Variants in PPP2R1B observed in about 807,000 individuals in gnomAD.
PPP2R1B encodes protein phosphatase 2 scaffold subunit Abeta.
PPP2R1B carries 58 observed loss-of-function variants against 72.7 expected under a neutral mutation model. That is an observed-to-expected ratio of 0.80 (90% CI 0.65 to 0.99). The LOEUF (loss-of-function observed/expected upper bound fraction) is 0.99, where lower values mean the gene tolerates loss of function less well. PPP2R1B is among the 50% of genes least tolerant of loss of function. The pLI, the probability that PPP2R1B is intolerant of heterozygous loss-of-function variation, is 0.00. For synonymous variants in PPP2R1B, 256 were observed against 264.6 expected (o/e 0.97, Z 0.32); for missense variants, 695 against 733.6 (o/e 0.95, Z 0.61).
the PPP2R1B span, chr11:111,700,758 T>G: frequency 1.8e-6 from 2 of 1,107,880 alleles, no homozygotes; most frequent in African/African-American, 3.2e-5. Context: ...CAAGATAAGA[T>G]GCCATCCCAG....
At chr11:111,755,588 TTC>T (rs1945080574) in intron 5 of PPP2R1B, 138 bp from the exon 6 acceptor site, 2 of 759,720 alleles carry the variant, frequency 2.6e-6, no homozygotes, top group South Asian at 3.0e-5. Flanking sequence ...TGACATCTTT[TTC>T]TTTTTTTTTT....
chr11:111,711,040 G>A, the PPP2R1B span, among the ~76,000 whole-genome samples: 1 of 152,136 alleles, frequency 6.6e-6, no homozygotes, highest in Admixed American at 6.5e-5. Context: ...TGAAGGGATG[G>A]TGATGAAAGG....
chr11:111,688,923 GA>G, the PPP2R1B span, among the ~76,000 whole-genome samples: 1 of 152,174 alleles, frequency 6.6e-6, no homozygotes, highest in South Asian at 2.1e-4. This position sits in a 1 kb window ranked among gnomAD's most constrained non-coding sequence, Gnocchi z 4.2. Flanking sequence ...AATACAGTAT[GA>G]TAGTTGCAAT....
chr11:111,755,559 C>A, intron 5 of PPP2R1B, 109 bp from the exon 6 acceptor site: 1 of 942,654 alleles, frequency 1.1e-6, no homozygotes. Context: ...ACTGCCACAC[C>A]TTATATAGTT....
At position 111,738,256 on chromosome 11, in the gene PPP2R1B, A is replaced by G; in HGVS notation, c.*3340T>C. ...AGTTTCATATCCAAGCAGTGGAGAA[A>G]AATAAGAAGCTTTACGATAAGAGTG... On this transcript the variant is annotated 3_prime_UTR_variant, in exon 15 of 15. Coordinates refer to ENST00000527614, the MANE Select transcript of PPP2R1B (RefSeq NM_002716.5). 1 of 985,482 alleles carries G rather than the reference A, an allele frequency of 1.0e-6. No homozygotes were observed. Among genetic ancestry groups the G allele is most frequent in the Non-Finnish European group, 1.2e-6 (1 of 829,984 alleles). The allele number at this position is 985,482 out of a possible 1,614,324, so 61.0% of individuals were successfully genotyped here.
At chr11:111,719,092 A>G in the PPP2R1B span, among the ~76,000 whole-genome samples, 2 of 152,184 alleles carry the variant, frequency 1.3e-5, no homozygotes, top group African/African-American at 4.8e-5. Flanking sequence ...GGGGCTTATT[A>G]GCCTCTGCTG....
chr11:111,746,965 A>G (rs1430842558), intron 11 of PPP2R1B, among the ~76,000 whole-genome samples: 2 of 152,312 alleles, frequency 1.3e-5, no homozygotes, highest in South Asian at 2.1e-4. Context: ...TGATGCAAAC[A>G]TGCCTTTAAC....
intron 11 of PPP2R1B, among the ~76,000 whole-genome samples, chr11:111,746,480 G>A (rs1297746531): frequency 6.6e-6 from 1 of 152,136 alleles, no homozygotes; most frequent in African/African-American, 2.4e-5. Flanking sequence ...ATCAGGGGGT[G>A]AGGGGCGAGG....
rs2136040944 is a variant in PPP2R1B, at chr11:111,741,223, G to C, written c.*373C>G. On this transcript the variant is annotated 3_prime_UTR_variant, in exon 15 of 15. Transcript: ENST00000527614. ...ACAGAGATATATGTAAACGTCAAGA[G>C]AATCACTCCACTCCACGTCTGGGTC... 9.7e-7 allele frequency: 1 copy of C among 1,033,870 alleles called. No individual in the cohort carries two copies. Among genetic ancestry groups the C allele is most frequent in the Non-Finnish European group, 1.2e-6 (1 of 860,866 alleles). The allele number at this position is 1,033,870 out of a possible 1,614,324, so 64.0% of individuals were successfully genotyped here. A position where few individuals can be genotyped will look rare whatever the true frequency, so the allele number is the denominator to read the frequency against.
Position 111,755,068 on chromosome 11 carries a change from G to A in PPP2R1B, c.870C>T (p.Ile290=). The A allele has an allele frequency of 6.2e-7, 1 of 1,613,636 alleles. No individual in the cohort carries two copies. Among genetic ancestry groups the A allele is most frequent in the Non-Finnish European group, 8.5e-7 (1 of 1,179,612 alleles). ...AGGCGGGGATGAGGTCATTTAGGGT[G>A]ATTTTAGGACCCATGGCTTTCTGGA... The part of the protein sequence containing the change: ...SELQKAMGPK[I]TLNDLIPAFQ... The change falls in exon 7 of 15, where the codon ATC becomes ATT. Residue 290 remains isoleucine (I), a synonymous_variant. Transcript: ENST00000527614.
the PPP2R1B span, chr11:111,720,758 C>A: frequency 1.3e-6 from 2 of 1,585,554 alleles, no homozygotes; most frequent in Non-Finnish European, 1.7e-6. Flanking sequence ...CCTCCCTCAC[C>A]CAGGGTGAGC....
At chr11:111,742,411 C>T in intron 13 of PPP2R1B, 112 bp downstream of exon 13, 1 of 1,243,698 alleles carries the variant, frequency 8.0e-7, no homozygotes, top group African/African-American at 1.5e-5. Context: ...TAAGCAAACC[C>T]AGATCTTAAG....
downstream of PPP2R1B, chr11:111,725,455 T>C (rs901142835): frequency 6.6e-6 from 1 of 152,522 alleles, no homozygotes; most frequent in African/African-American, 2.4e-5. Context: ...TCAAAGTAAG[T>C]AAAAATTAGA....
chr11:111,752,172 A>G lies in PPP2R1B; in HGVS notation c.1325T>C (p.Leu442Pro), dbSNP rs1555048125. The G allele has an allele frequency of 6.2e-7, 1 of 1,609,354 alleles. No individual in the cohort carries two copies. Among genetic ancestry groups the G allele is most frequent in the Admixed American group, 1.7e-5 (1 of 58,864 alleles). The part of the protein sequence containing the change: ...RLAIIEYMPL[L>P]AGQLGVEFFD... ...ACACATACTCACCAGCTGGCCTGCC[A>G]GCAGCGGCATATACTCAATGATGGC... Residue 442 changes from leucine to proline, a missense_variant, in exon 10 of 15, where the codon CTG (leucine) becomes CCG (proline). Transcript: ENST00000527614.
At chr11:111,695,029 G>C in the PPP2R1B span, among the ~76,000 whole-genome samples, 2 of 152,108 alleles carry the variant, frequency 1.3e-5, no homozygotes, top group Non-Finnish European at 2.9e-5. Flanking sequence ...GTGCTGGTGG[G>C]CAACAAAGTA....
intron 8 of PPP2R1B, 102 bp from the exon 9 acceptor site, chr11:111,753,679 T>C: frequency 1.6e-6 from 2 of 1,276,942 alleles, no homozygotes; most frequent in Non-Finnish European, 2.1e-6. Flanking sequence ...CAGGCTGGAG[T>C]GCAGTGGCAT....
Position 111,737,984 on chromosome 11 carries a change from C to A in PPP2R1B, c.*3612G>T. 5.9e-6 allele frequency: 6 copies of A among 1,015,602 alleles called. No individual in the cohort carries two copies. Among genetic ancestry groups the A allele is most frequent in the Non-Finnish European group, 5.9e-6 (5 of 846,990 alleles). The allele number at this position is 1,015,602 out of a possible 1,614,324, so 62.9% of individuals were successfully genotyped here. A position where few individuals can be genotyped will look rare whatever the true frequency, so the allele number is the denominator to read the frequency against. Reference sequence around the variant, plus strand: ...TATTCGTCCTCCGGAAGATTTCCATCCCAACTGAACGTTATGTAATTTCCT... The same window carrying A: ...TATTCGTCCTCCGGAAGATTTCCATACCAACTGAACGTTATGTAATTTCCT... On this transcript the variant is annotated 3_prime_UTR_variant, in exon 15 of 15. Transcript: ENST00000527614.
chr11:111,738,925 T>TGTGTGTGTCTGC lies in PPP2R1B; in HGVS notation c.*2670_*2671insGCAGACACACAC, dbSNP rs1555044067. On this transcript the variant is annotated 3_prime_UTR_variant, in exon 15 of 15. Transcript: ENST00000527614. ...GTGTGTGTGTGTGTGTGTGTGTGTG[T>TGTGTGTGTCTGC]CTGCTTCATTTTTCTAATCAAACAA... The TGTGTGTGTCTGC allele has an allele frequency of 4.6e-5, 45 of 982,980 alleles. No homozygotes were observed. The African/African-American group carries it at 8.1e-4, about 18-fold the overall frequency. The allele number at this position is 982,980 out of a possible 1,614,324, so 60.9% of individuals were successfully genotyped here. A position where few individuals can be genotyped will look rare whatever the true frequency, so the allele number is the denominator to read the frequency against.
At chr11:111,704,452 G>GA in the PPP2R1B span, among the ~76,000 whole-genome samples, 1 of 152,142 alleles carries the variant, frequency 6.6e-6, no homozygotes, top group African/African-American at 2.4e-5. Context: ...AAAACAAGAG[G>GA]AAAAAATTAC....
Sources: gnomAD v4.1 joint callset for allele counts (sites outside exome capture counted in the v4.1 genomes callset) on GRCh38, gnomAD v4.1.1 for gene constraint, Gnocchi (gnomAD v3.1) non-coding constraint, MANE v1.5 for transcripts, NCBI Gene and HGNC (gene_info 2026-07-23, HGNC 2026-07-21) for gene names.